HECW2: variants seen among roughly 807,000 people sequenced by gnomAD.
The protein encoded by HECW2 is HECT, C2 and WW domain containing E3 ubiquitin protein ligase 2.
In HECW2, 61 loss-of-function variants were observed where a neutral mutation model predicts 175.2. That is an observed-to-expected ratio of 0.35 (90% CI 0.28 to 0.43). The LOEUF (loss-of-function observed/expected upper bound fraction) is 0.43. Ranked by LOEUF, HECW2 falls within the 20% of genes least tolerant of loss-of-function variation. The probability of loss-of-function intolerance (pLI) is 1.00; values close to 1 mark genes in which losing one functional copy is unlikely to be tolerated. For missense variants in HECW2, 1,524 were observed against 2,000.5 expected (o/e 0.76, Z 4.54); for synonymous variants, 671 against 731.0 (o/e 0.92, Z 1.32).
chr2:196,534,187 T>A (rs1688939930), intron 1 of HECW2, among the ~76,000 whole-genome samples: 1 of 152,194 alleles, frequency 6.6e-6, no homozygotes. Context: ...GTATTTATAG[T>A]TCTATTTCAC....
chr2:196,370,821 G>C (rs1693886748), intron 2 of HECW2, among the ~76,000 whole-genome samples: 1 of 152,108 alleles, frequency 6.6e-6, no homozygotes, highest in South Asian at 2.1e-4. Flanking sequence ...GCATTTCAAT[G>C]CAAAGTCCCA....
At chr2:196,557,667 T>A (rs1319156323) in intron 1 of HECW2, among the ~76,000 whole-genome samples, 1 of 152,062 alleles carries the variant, frequency 6.6e-6, no homozygotes, top group African/African-American at 2.4e-5. Flanking sequence ...ATAAGTAAAA[T>A]AAAATGACAT....
At chr2:196,229,502 C>T (rs1460279195) in intron 21 of HECW2, among the ~76,000 whole-genome samples, 1 of 151,970 alleles carries the variant, frequency 6.6e-6, no homozygotes, top group Non-Finnish European at 1.5e-5. Context: ...CACAGTGAGA[C>T]CCCCGTCTCT....
intron 2 of HECW2, among the ~76,000 whole-genome samples, chr2:196,397,793 T>C (rs968795238): frequency 6.6e-6 from 1 of 152,220 alleles, no homozygotes; most frequent in African/African-American, 2.4e-5. Context: ...TTTCCTTCCA[T>C]ATATGCCAAG....
At chr2:196,375,174 AG>A (rs1694018180) in intron 2 of HECW2, among the ~76,000 whole-genome samples, 1 of 151,136 alleles carries the variant, frequency 6.6e-6, no homozygotes, top group Non-Finnish European at 1.5e-5. Flanking sequence ...AAAAAAAGAA[AG>A]AAAAAAAAGA....
chr2:196,509,409 G>T (rs1251783188), intron 1 of HECW2, among the ~76,000 whole-genome samples: 1 of 152,162 alleles, frequency 6.6e-6, no homozygotes. Context: ...TTGGCCACTG[G>T]TGATCAACTT....
chr2:196,285,680 A>C (rs939320862), intron 14 of HECW2, among the ~76,000 whole-genome samples: 2 of 152,170 alleles, frequency 1.3e-5, no homozygotes, highest in Non-Finnish European at 2.9e-5. Context: ...TATTTTCTTT[A>C]TGTCTTAGAC....
In HECW2 at chr2:196,200,198, C is replaced by G. The variant is rs567146780; in HGVS notation, c.*1079G>C. 7 of 152,664 alleles carry G rather than the reference C, an allele frequency of 4.6e-5. No homozygotes were observed. Among genetic ancestry groups the G allele is most frequent in the Admixed American group, 2.0e-4 (3 of 15,294 alleles). The allele number at this position is 152,664 out of a possible 1,614,324, so 9.5% of individuals were successfully genotyped here. A position where few individuals can be genotyped will look rare whatever the true frequency, so the allele number is the denominator to read the frequency against. ...TGCACAGTCCTTGTAGTGGTAGACA[C>G]GGCACTGTGAAGGAAGTTTGATTTA... On this transcript the variant is annotated 3_prime_UTR_variant, in exon 29 of 29. Transcript: ENST00000644978.
rs1053168301 is a variant in HECW2, at chr2:196,278,546, G to A, written c.3117C>T (p.Arg1039=). Residue 1039 remains arginine, a synonymous_variant, in exon 15 of 29, where the codon CGC becomes CGT. Transcript: ENST00000644978. ...GACTCACCTCACCCGCACTGTGGCT[G>A]CGTTGCCTTGTCAGGTGTTGCCGAT... ...LVHRQHLTRQ[R]SHSAGEVGED... is the part of the protein sequence containing the mutation. 4.3e-6 allele frequency: 7 copies of A among 1,613,988 alleles called. No homozygotes were observed. Among genetic ancestry groups the A allele is most frequent in the Non-Finnish European group, 5.9e-6 (7 of 1,180,012 alleles).
At chr2:196,519,304 G>C (rs1688261163) in intron 1 of HECW2, among the ~76,000 whole-genome samples, 1 of 152,090 alleles carries the variant, frequency 6.6e-6, no homozygotes, top group African/African-American at 2.4e-5. Context: ...AGATTCACCA[G>C]AAGAGCAGAC....
chr2:196,272,242 C>A (rs1035239435), intron 16 of HECW2, among the ~76,000 whole-genome samples: 1 of 152,142 alleles, frequency 6.6e-6, no homozygotes, highest in Non-Finnish European at 1.5e-5. Flanking sequence ...ACCAACTATA[C>A]CAACAGCTAC....
chr2:196,571,595 C>T (rs1471469540), intron 1 of HECW2, among the ~76,000 whole-genome samples: 2 of 151,968 alleles, frequency 1.3e-5, no homozygotes, highest in African/African-American at 2.4e-5. Context: ...TGTAATCCCA[C>T]CTACTCAGGA....
intron 2 of HECW2, among the ~76,000 whole-genome samples, chr2:196,387,239 T>TGC (rs974383673): frequency 1.3e-5 from 2 of 152,232 alleles, no homozygotes; most frequent in Admixed American, 6.5e-5. Context: ...TACTTTGGGG[T>TGC]GCTATGGTCT....
At chr2:196,484,894 G>A (rs1379540166) in intron 1 of HECW2, among the ~76,000 whole-genome samples, 2 of 152,140 alleles carry the variant, frequency 1.3e-5, no homozygotes, top group Non-Finnish European at 2.9e-5. Flanking sequence ...GATTCAATGC[G>A]GTAAGCAACC....
At chr2:196,498,979 C>A (rs1225658211) in intron 1 of HECW2, among the ~76,000 whole-genome samples, 1 of 152,040 alleles carries the variant, frequency 6.6e-6, no homozygotes, top group Admixed American at 6.5e-5. Context: ...CAGTTTCAAC[C>A]CCCCTATAAT....
At chr2:196,462,050 G>A (rs1366715809) in intron 1 of HECW2, among the ~76,000 whole-genome samples, 3 of 152,066 alleles carry the variant, frequency 2.0e-5, no homozygotes, top group Non-Finnish European at 4.4e-5. Context: ...ATATATGTGT[G>A]TGTGCGTATA....
At chr2:196,573,857 TCAA>T (rs201675414) in intron 1 of HECW2, among the ~76,000 whole-genome samples, 5,060 of 148,028 alleles carry the variant, frequency 0.034, 281 homozygotes, top group African/African-American at 0.12. Context: ...CCCTACAGAC[TCAA>T]CAACAACAAC....
At chr2:196,231,311 G>A (rs1688048666) in intron 21 of HECW2, among the ~76,000 whole-genome samples, 3 of 152,092 alleles carry the variant, frequency 2.0e-5, no homozygotes, top group Admixed American at 2.0e-4. Context: ...ACTGCAAATG[G>A]AAGAACCAGC....
At chr2:196,503,597 A>G (rs1312617315) in intron 1 of HECW2, among the ~76,000 whole-genome samples, 1 of 152,112 alleles carries the variant, frequency 6.6e-6, no homozygotes, top group African/African-American at 2.4e-5. Context: ...ATAGCAGCAA[A>G]GGGAAGGGAA....
Sources: allele counts gnomAD v4.1 joint callset (sites outside exome capture counted in the v4.1 genomes callset), GRCh38; gene constraint gnomAD v4.1.1; transcripts MANE v1.5; gene names NCBI Gene and HGNC (gene_info 2026-07-23, HGNC 2026-07-21).